Variants in GALNT17 observed in about 807,000 individuals in gnomAD.
GALNT17 encodes polypeptide N-acetylgalactosaminyltransferase 17.
In GALNT17, 29 loss-of-function variants were observed where a neutral mutation model predicts 63.7. The ratio of observed to expected loss-of-function variants is 0.46; its 90% CI spans 0.34 to 0.62. The LOEUF (loss-of-function observed/expected upper bound fraction) is 0.62, where lower values mean the gene tolerates loss of function less well. GALNT17 is among the 20% of genes least tolerant of loss of function. The pLI, the probability that GALNT17 is intolerant of heterozygous loss-of-function variation, is 0.01. For synonymous variants in GALNT17, 305 were observed against 318.3 expected, an observed-to-expected ratio of 0.96 and a Z score of 0.45; for missense variants, 603 against 799.6, an observed-to-expected ratio of 0.75 and a Z score of 2.97.
At chr7:71,180,277 C>T (rs2014091) in intron 1 of GALNT17, among the ~76,000 whole-genome samples, 35,165 of 151,878 alleles carry the variant, frequency 0.23, 7,036 homozygotes, top group African/African-American at 0.55. Context: ...TGGTGCATGC[C>T]GCCACACCTG....
intron 1 of GALNT17, among the ~76,000 whole-genome samples, chr7:71,291,649 G>T (rs1790981516): frequency 6.6e-6 from 1 of 152,130 alleles, no homozygotes; most frequent in African/African-American, 2.4e-5. Flanking sequence ...TAGGAGAGGG[G>T]TTGATTTTTA....
At chr7:71,442,979 T>C (rs75194604) in intron 5 of GALNT17, among the ~76,000 whole-genome samples, 8,185 of 152,118 alleles carry the variant, frequency 0.054, 771 homozygotes, top group African/African-American at 0.19. Flanking sequence ...AGGAGAGAAA[T>C]GTTTCTTGAG....
At chr7:71,560,607 C>T (rs1447328006) in intron 5 of GALNT17, among the ~76,000 whole-genome samples, 1 of 152,190 alleles carries the variant, frequency 6.6e-6, no homozygotes, top group Non-Finnish European at 1.5e-5. Flanking sequence ...ATCATGCCTT[C>T]GTGCCAGCAC....
At chr7:71,411,795 T>C (rs1434196935) in intron 3 of GALNT17, among the ~76,000 whole-genome samples, 1 of 152,194 alleles carries the variant, frequency 6.6e-6, no homozygotes, top group Non-Finnish European at 1.5e-5. Context: ...TCAGCTTGCA[T>C]TTTCTCTAAT....
intron 5 of GALNT17, among the ~76,000 whole-genome samples, chr7:71,472,855 C>T (rs1364012198): frequency 6.6e-6 from 1 of 152,164 alleles, no homozygotes; most frequent in Admixed American, 6.5e-5. Flanking sequence ...AAACCAACCC[C>T]ACAAAGCCCA....
chr7:71,538,039 C>CT (rs1788828184), intron 5 of GALNT17, among the ~76,000 whole-genome samples: 1 of 152,108 alleles, frequency 6.6e-6, no homozygotes. Context: ...ACAGAGAACT[C>CT]TAAGAGGATG....
At chr7:71,261,426 C>CTG (rs3061634) in intron 1 of GALNT17, among the ~76,000 whole-genome samples, 40,740 of 152,064 alleles carry the variant, frequency 0.27, 5,694 homozygotes, top group South Asian at 0.38. Flanking sequence ...AAGCAAAGGT[C>CTG]TGTGTTTCAG....
chr7:71,653,786 T>C (rs4719158), intron 6 of GALNT17, among the ~76,000 whole-genome samples: 150,113 of 152,226 alleles, frequency 0.99, 74,035 homozygotes, highest in East Asian at 1. Flanking sequence ...TGCTCCAGGA[T>C]GCAAAGCTCT....
chr7:71,391,262 A>G (rs1793045507), intron 3 of GALNT17, among the ~76,000 whole-genome samples: 1 of 151,990 alleles, frequency 6.6e-6, no homozygotes, highest in Non-Finnish European at 1.5e-5. Context: ...TGGGGTGAAG[A>G]CTCACTGCCA....
At chr7:71,617,664 A>G (rs1046078700) in intron 6 of GALNT17, among the ~76,000 whole-genome samples, 1 of 140,904 alleles carries the variant, frequency 7.1e-6, no homozygotes, top group Non-Finnish European at 1.5e-5. Context: ...TTGTTTTGAG[A>G]TGGAATCTCG....
intron 1 of GALNT17, among the ~76,000 whole-genome samples, chr7:71,184,263 C>G (rs79017528): frequency 0.013 from 1,928 of 152,228 alleles, 46 homozygotes; most frequent in African/African-American, 0.043. Context: ...TTGTTCAAGC[C>G]ACACAGCTTT....
chr7:71,235,133 C>T (rs1319115887), intron 1 of GALNT17, among the ~76,000 whole-genome samples: 1 of 151,986 alleles, frequency 6.6e-6, no homozygotes, highest in East Asian at 1.9e-4. Context: ...CGCCTGTAGT[C>T]CCAGCTACTC....
chr7:71,553,493 C>T (rs942204140), intron 5 of GALNT17, among the ~76,000 whole-genome samples: 3 of 152,090 alleles, frequency 2.0e-5, no homozygotes, highest in Non-Finnish European at 4.4e-5. Context: ...TTAAGACTTA[C>T]GAGACAGACT....
intron 3 of GALNT17, among the ~76,000 whole-genome samples, chr7:71,409,950 G>A (rs145332115): frequency 4.5e-4 from 68 of 152,276 alleles, no homozygotes; most frequent in African/African-American, 1.4e-3. Flanking sequence ...TGGAAACTGC[G>A]TTCTTTGGTG....
intron 1 of GALNT17, chr7:71,284,595 A>G (rs371930050): frequency 2.6e-5 from 4 of 152,034 alleles, no homozygotes; most frequent in Non-Finnish European, 4.4e-5. Flanking sequence ...TCCCTCCGCC[A>G]TGATTGTAAG....
intron 1 of GALNT17, among the ~76,000 whole-genome samples, chr7:71,185,700 G>C (rs538172439): frequency 6.6e-6 from 1 of 151,822 alleles, no homozygotes; most frequent in East Asian, 1.9e-4. Context: ...GTGGAGACGG[G>C]GTTTCACCGT....
At chr7:71,288,619 A>T (rs565697951) in intron 1 of GALNT17, among the ~76,000 whole-genome samples, 140 of 152,290 alleles carry the variant, frequency 9.2e-4, no homozygotes, top group African/African-American at 3.2e-3. Context: ...GTGGTCTTGC[A>T]GCATGCTCAG....
At chr7:71,487,432 A>T (rs945299257) in intron 5 of GALNT17, among the ~76,000 whole-genome samples, 3 of 152,168 alleles carry the variant, frequency 2.0e-5, no homozygotes, top group Non-Finnish European at 4.4e-5. Context: ...GGCACCAAAA[A>T]GTCCATCCAG....
chr7:71,185,046 C>CCCT lies in GALNT17; in HGVS notation c.238+52019_238+52021dup, dbSNP rs1554336505. On this transcript the variant is annotated intron_variant, in intron 1 of 10. Transcript: ENST00000333538. ...TCCTTCCTTCCTCTTCTCTTCCTCC[C>CCCT]CCTCCTCCTCCTCCTTCTGCTTCTT... is the stretch of plus-strand genomic sequence containing the variant. Among the ~76,000 whole-genome samples, 49 of 125,290 alleles carry CCCT rather than the reference C, an allele frequency of 3.9e-4. 1 individual carries two copies. The highest frequency in any genetic ancestry group is 1.1e-3 in the Admixed American group (14 of 12,916). 82.2% of individuals were successfully genotyped at this position (125,290 alleles called of 152,430 possible). A position where few individuals can be genotyped will look rare whatever the true frequency, so the allele number is the denominator to read the frequency against.
Sources: allele counts gnomAD v4.1 joint callset (sites outside exome capture counted in the v4.1 genomes callset), GRCh38; gene constraint gnomAD v4.1.1; transcripts MANE v1.5; gene names NCBI Gene and HGNC (gene_info 2026-07-23, HGNC 2026-07-21).